The following ASIC2 variants were observed in gnomAD, a reference collection of about 807,000 sequenced individuals.
ASIC2 encodes the protein acid-sensing ion channel 2.
ASIC2 carries 25 observed loss-of-function variants against 57.3 expected under a neutral mutation model. The observed-to-expected ratio is 0.44, with a 90% confidence interval of 0.32 to 0.61. The LOEUF is 0.61. Among genes scored for constraint, ASIC2 ranks in the 20% least tolerant of loss-of-function variants. The pLI is 0.06. For synonymous variants in ASIC2, 319 were observed against 307.5 expected (o/e 1.04, Z -0.39); for missense variants, 641 against 738.1 (o/e 0.87, Z 1.52).
chr17:33,578,269 A>G (rs1916704603), intron 1 of ASIC2, among the ~76,000 whole-genome samples: 1 of 152,198 alleles, frequency 6.6e-6, no homozygotes, highest in Non-Finnish European at 1.5e-5. Context: ...GGTCATTAAA[A>G]GCAAATGACA....
chr17:33,467,259 A>G (rs146342809), intron 1 of ASIC2, among the ~76,000 whole-genome samples: 1 of 152,238 alleles, frequency 6.6e-6, no homozygotes, highest in East Asian at 1.9e-4. Context: ...ATTTTTTTTT[A>G]AGTTTAAAAA....
chr17:33,605,989 A>T (rs1266654996), intron 1 of ASIC2, among the ~76,000 whole-genome samples: 1 of 152,196 alleles, frequency 6.6e-6, no homozygotes, highest in Admixed American at 6.5e-5. Context: ...CAGCCGTGAG[A>T]CTGCCATTGA....
intron 1 of ASIC2, among the ~76,000 whole-genome samples, chr17:33,152,383 T>C (rs978575564): frequency 6.6e-6 from 1 of 152,050 alleles, no homozygotes; most frequent in Non-Finnish European, 1.5e-5. Context: ...GTTTCAGAGG[T>C]GGAGGAGATC....
At chr17:33,479,133 G>A (rs2141925413) in intron 1 of ASIC2, among the ~76,000 whole-genome samples, 1 of 152,038 alleles carries the variant, frequency 6.6e-6, no homozygotes, top group Admixed American at 6.6e-5. Flanking sequence ...TGGGTAGCTG[G>A]AACTACAGGT....
At chr17:33,403,427 T>C (rs1910353602) in intron 1 of ASIC2, among the ~76,000 whole-genome samples, 1 of 152,236 alleles carries the variant, frequency 6.6e-6, no homozygotes, top group South Asian at 2.1e-4. Context: ...TGAGCTTATC[T>C]TGCATTTGAA....
intron 1 of ASIC2, among the ~76,000 whole-genome samples, chr17:33,302,390 C>A (rs986855017): frequency 1.3e-5 from 2 of 152,162 alleles, no homozygotes; most frequent in African/African-American, 4.8e-5. Flanking sequence ...CCTTTACTGT[C>A]CCCTTAACTG....
chr17:33,257,211 G>C (rs1253134585), intron 1 of ASIC2, among the ~76,000 whole-genome samples: 4 of 152,230 alleles, frequency 2.6e-5, no homozygotes, highest in Non-Finnish European at 5.9e-5. Context: ...GCAGCAGCCA[G>C]GTATGGGCTG....
intron 1 of ASIC2, among the ~76,000 whole-genome samples, chr17:33,769,959 C>T (rs1393330952): frequency 6.6e-6 from 1 of 152,232 alleles, no homozygotes; most frequent in African/African-American, 2.4e-5. Context: ...CTCCCAGTAC[C>T]ATCATGTTGG....
intron 1 of ASIC2, among the ~76,000 whole-genome samples, chr17:33,663,502 T>C (rs1907364839): frequency 6.6e-6 from 1 of 150,520 alleles, no homozygotes; most frequent in African/African-American, 2.5e-5. Flanking sequence ...CGTGCTAAAG[T>C]GTGCTTATAG....
At chr17:33,090,881 G>A (rs73982420) in intron 2 of ASIC2, among the ~76,000 whole-genome samples, 2,706 of 152,242 alleles carry the variant, frequency 0.018, 64 homozygotes, top group African/African-American at 0.061. Flanking sequence ...ATTTAGACAA[G>A]GAGACCCTCA....
At chr17:33,758,293 G>T (rs974574091) in intron 1 of ASIC2, among the ~76,000 whole-genome samples, 2 of 152,152 alleles carry the variant, frequency 1.3e-5, no homozygotes, top group Non-Finnish European at 2.9e-5. Context: ...CCAGTGAGAA[G>T]CTTAATATAA....
intron 1 of ASIC2, among the ~76,000 whole-genome samples, chr17:34,133,794 A>C (rs1310267586): frequency 6.6e-6 from 1 of 152,238 alleles, no homozygotes; most frequent in Non-Finnish European, 1.5e-5. Flanking sequence ...ATTTACAGGT[A>C]AACCAGTGGT....
intron 1 of ASIC2, among the ~76,000 whole-genome samples, chr17:33,378,556 T>C (rs1470602453): frequency 1.3e-5 from 2 of 152,248 alleles, no homozygotes; most frequent in Non-Finnish European, 2.9e-5. Context: ...CACTCTCTGA[T>C]TCCTCAGTGT....
chr17:33,939,119 G>A (rs1811142736), intron 1 of ASIC2, among the ~76,000 whole-genome samples: 1 of 152,218 alleles, frequency 6.6e-6, no homozygotes, highest in South Asian at 2.1e-4. Context: ...TTACTGCCCA[G>A]ACATGGGATG....
chr17:33,870,653 G>A (rs978859), intron 1 of ASIC2, among the ~76,000 whole-genome samples: 5,984 of 152,074 alleles, frequency 0.039, 409 homozygotes, highest in African/African-American at 0.14. Context: ...TCAGGCCAGA[G>A]CCTCTTAGAA....
intron 1 of ASIC2, among the ~76,000 whole-genome samples, chr17:33,324,990 G>A (rs1907013484): frequency 6.6e-6 from 1 of 152,200 alleles, no homozygotes; most frequent in East Asian, 1.9e-4. Context: ...AGAGGGGAGG[G>A]AAGAAGAGGG....
At chr17:33,127,063 G>T (rs942035449) in intron 1 of ASIC2, among the ~76,000 whole-genome samples, 3 of 150,216 alleles carry the variant, frequency 2.0e-5, no homozygotes, top group African/African-American at 7.4e-5. Context: ...TAGAGACGGG[G>T]TTTCACCTTG....
At chr17:33,522,234 TCTGCTCCCC>T (rs1323701066) in intron 1 of ASIC2, among the ~76,000 whole-genome samples, 1 of 152,202 alleles carries the variant, frequency 6.6e-6, no homozygotes, top group Admixed American at 6.5e-5. Flanking sequence ...TCCAGTCCTA[TCTGCTCCCC>T]ATTCTAGCTC....
intron 1 of ASIC2, among the ~76,000 whole-genome samples, chr17:33,975,479 C>G (rs1905353631): frequency 6.6e-6 from 1 of 152,012 alleles, no homozygotes; most frequent in Admixed American, 6.6e-5. Flanking sequence ...AAAGTCAGAG[C>G]CAAAGACATG....
Sources: gnomAD v4.1 joint callset for allele counts (sites outside exome capture counted in the v4.1 genomes callset) on GRCh38, gnomAD v4.1.1 for gene constraint, MANE v1.5 for transcripts, NCBI Gene and HGNC (gene_info 2026-07-23, HGNC 2026-07-21) for gene names.